Variants in EPN2 observed in about 807,000 individuals in gnomAD.
EPN2 encodes the protein epsin 2, also known as epsin-2.
EPN2 carries 34 observed loss-of-function variants against 61.7 expected under a neutral mutation model. The observed-to-expected ratio is 0.55, with a 90% CI of 0.42 to 0.73. The LOEUF is 0.73. EPN2 is among the 30% of genes least tolerant of loss of function. EPN2 has a pLI of 0.00. For synonymous variants in EPN2, 349 were observed against 353.6 expected, an observed-to-expected ratio of 0.99 and a Z score of 0.15; for missense variants, 714 against 839.2, an observed-to-expected ratio of 0.85 and a Z score of 1.84.
At chr17:19,278,926 C>T (rs990696472) in intron 1 of EPN2, among the ~76,000 whole-genome samples, 16 of 152,198 alleles carry the variant, frequency 1.1e-4, no homozygotes, top group Admixed American at 9.8e-4. Context: ...CATGAACCAC[C>T]GTGCCCGGCC....
In EPN2 at chr17:19,310,896, G is replaced by C. The variant is rs74854426; in HGVS notation, c.879+899G>C. On this transcript the variant is annotated intron_variant, in intron 5 of 10. Transcript: ENST00000314728. ...CCTGGCCCCCATTTTTCTTTAGTAA[G>C]CATGCATTACTTTACAACAGCGAGA... Among the ~76,000 whole-genome samples the C allele has an allele frequency of 9.6e-3, 1,456 of 152,110 alleles. 11 individuals are homozygous for C. The highest frequency in any genetic ancestry group is 0.017 in the Middle Eastern group (5 of 294).
intron 7 of EPN2, among the ~76,000 whole-genome samples, chr17:19,317,561 C>T (rs1011448386): frequency 6.6e-6 from 1 of 152,232 alleles, no homozygotes; most frequent in Admixed American, 6.5e-5. Flanking sequence ...CTGTGAGGCT[C>T]GGGATGAGCC....
intron 1 of EPN2, among the ~76,000 whole-genome samples, chr17:19,265,886 T>C (rs1428267505): frequency 1.3e-5 from 2 of 152,234 alleles, no homozygotes; most frequent in Non-Finnish European, 2.9e-5. Flanking sequence ...TCCGTCCTCC[T>C]GGCTATTCCA....
intron 1 of EPN2, among the ~76,000 whole-genome samples, chr17:19,275,642 T>C (rs1225037527): frequency 6.6e-6 from 1 of 152,226 alleles, no homozygotes; most frequent in African/African-American, 2.4e-5. Context: ...GGGGCTTTGA[T>C]TGGCCTGGTC....
In EPN2 at chr17:19,312,455, C is replaced by T. The variant is rs558096500; in HGVS notation, c.972+311C>T. On this transcript the variant is annotated intron_variant, in intron 6 of 10. Coordinates refer to ENST00000314728, the MANE Select transcript of EPN2 (RefSeq NM_014964.5). ...GAGCTACATGCCAGGGGCTGCGGAA[C>T]GCTTTCCTGCAGCAGGGTGTGCCCC... is the stretch of plus-strand genomic sequence containing the variant. Among the ~76,000 whole-genome samples the T allele has an allele frequency of 4.6e-5, 7 of 152,354 alleles. No individual in the cohort carries two copies. In the East Asian group the frequency reaches 5.8e-4, roughly 13 times the overall value.
rs1209761253 is a variant in EPN2, at chr17:19,313,139, A to G, written c.1007A>G (p.Asp336Gly). The G allele has an allele frequency of 6.2e-7, 1 of 1,613,742 alleles. No homozygotes were observed. The highest frequency in any genetic ancestry group is 1.7e-5 in the Admixed American group (1 of 59,982). ...GSLPQQTTLLDLMDALPSSGP... is the reference protein window; with the variant it reads ...GSLPQQTTLLGLMDALPSSGP... ...CTCCCACAGCAGACTACGCTGTTGGATTTAATGGATGCTCTCCCCAGCTCG... is the reference window on the plus strand; with the variant it reads ...CTCCCACAGCAGACTACGCTGTTGGGTTTAATGGATGCTCTCCCCAGCTCG... Residue 336 changes from aspartate to glycine, a missense_variant, in exon 7 of 11, where the codon GAT (aspartate) becomes GGT (glycine). By Grantham distance (94) the Asp-to-Gly change is moderately conservative. Coordinates refer to ENST00000314728, the MANE Select transcript of EPN2 (RefSeq NM_014964.5).
chr17:19,278,129 A>C (rs922970984), intron 1 of EPN2, among the ~76,000 whole-genome samples: 7 of 150,898 alleles, frequency 4.6e-5, no homozygotes, highest in Non-Finnish European at 8.8e-5. Flanking sequence ...AGTGAGGATT[A>C]TTTATTTGTT....
At chr17:19,243,452 GC>G (rs2044908917) in intron 1 of EPN2, among the ~76,000 whole-genome samples, 1 of 146,388 alleles carries the variant, frequency 6.8e-6, no homozygotes, top group Non-Finnish European at 1.5e-5. Flanking sequence ...GAGTGCAGCG[GC>G]GCGATCTCAG....
chr17:19,275,291 T>C (rs1208658587), intron 1 of EPN2, among the ~76,000 whole-genome samples: 3 of 152,334 alleles, frequency 2.0e-5, no homozygotes, highest in South Asian at 2.1e-4. Flanking sequence ...TCTCAGGTGC[T>C]TTGTGCACAG....
At chr17:19,249,060 C>G (rs2044983736) in intron 1 of EPN2, among the ~76,000 whole-genome samples, 1 of 152,186 alleles carries the variant, frequency 6.6e-6, no homozygotes, top group South Asian at 2.1e-4. Context: ...GCCTGCTGAC[C>G]AGACTCTCCA....
At chr17:19,269,138 A>G (rs2045229826) in intron 1 of EPN2, among the ~76,000 whole-genome samples, 1 of 152,226 alleles carries the variant, frequency 6.6e-6, no homozygotes, top group Non-Finnish European at 1.5e-5. Context: ...ATGTTACATA[A>G]TAAAACATTT....
At chr17:19,289,563 C>A (rs1289005670) in intron 4 of EPN2, among the ~76,000 whole-genome samples, 2 of 151,856 alleles carry the variant, frequency 1.3e-5, no homozygotes, top group Non-Finnish European at 1.5e-5. Context: ...GAGTTCAGGA[C>A]ACATCGAAGT....
intron 1 of EPN2, among the ~76,000 whole-genome samples, chr17:19,271,927 A>T (rs1024368181): frequency 6.6e-6 from 1 of 152,022 alleles, no homozygotes; most frequent in Admixed American, 6.5e-5. Context: ...TTATTTCCAC[A>T]CTCTCGCAGG....
chr17:19,314,407 C>G (rs573687975), intron 7 of EPN2, among the ~76,000 whole-genome samples: 1 of 152,154 alleles, frequency 6.6e-6, no homozygotes, highest in Non-Finnish European at 1.5e-5. Context: ...GCAGGGAGTT[C>G]CCTGCAGAAG....
At chr17:19,313,386 G>A in intron 7 of EPN2, 107 bp downstream of exon 7, 1 of 1,092,838 alleles carries the variant, frequency 9.2e-7, no homozygotes, top group Non-Finnish European at 1.3e-6. Flanking sequence ...GATTGTGGTG[G>A]GTGTCCAGGC....
chr17:19,318,549 C>CAAA (rs58660254), intron 7 of EPN2, among the ~76,000 whole-genome samples: 269 of 24,790 alleles, frequency 0.011, 30 homozygotes, highest in Middle Eastern at 0.12. Context: ...GACTCCATCT[C>CAAA]AAAAAAAAAA....
intron 1 of EPN2, among the ~76,000 whole-genome samples, chr17:19,240,315 G>T (rs912925766): frequency 6.6e-6 from 1 of 151,774 alleles, no homozygotes; most frequent in Non-Finnish European, 1.5e-5. Context: ...GCGCAATCTT[G>T]GCTCACTGCA....
At chr17:19,266,671 G>A (rs1007929098) in intron 1 of EPN2, among the ~76,000 whole-genome samples, 3 of 151,344 alleles carry the variant, frequency 2.0e-5, no homozygotes, top group Non-Finnish European at 4.4e-5. Context: ...CAAAGTGCTG[G>A]GATTACAGGC....
rs1290446947 is a variant in EPN2, at chr17:19,316,457, CAG to C, written c.1147+3179_1147+3180del. 3.3e-5 allele frequency among the ~76,000 whole-genome samples: 5 copies of C among 152,202 alleles called. No homozygotes were observed. In the East Asian group the frequency reaches 9.6e-4, roughly 29 times the overall value. On this transcript the variant is annotated intron_variant, in intron 7 of 10. Transcript: ENST00000314728. ...ATTGTTAATAGGTTTGGGACAGGCT[CAG>C]TGCTTATGGCACCATGTCCTGTAGT...
Sources: allele counts gnomAD v4.1 joint callset (sites outside exome capture counted in the v4.1 genomes callset), GRCh38; gene constraint gnomAD v4.1.1; transcripts MANE v1.5; gene names NCBI Gene and HGNC (gene_info 2026-07-23, HGNC 2026-07-21).